Variants in ITPR2 observed in about 807,000 individuals in gnomAD.
ITPR2 encodes the protein inositol 1,4,5-trisphosphate-gated calcium channel ITPR2.
A neutral mutation model predicts 317.1 loss-of-function variants in ITPR2; 207 were observed. That is an observed-to-expected ratio of 0.65 (90% CI 0.58 to 0.73). The LOEUF (loss-of-function observed/expected upper bound fraction) is 0.73. ITPR2 is among the 30% of genes least tolerant of loss of function. The pLI is 0.00. For synonymous variants in ITPR2, 1,156 were observed against 1,149.1 expected (o/e 1.01, Z -0.12); for missense variants, 2,613 against 3,284.0 (o/e 0.80, Z 4.99).
intron 39 of ITPR2, among the ~76,000 whole-genome samples, chr12:26,488,058 T>C (rs1942712677): frequency 6.6e-6 from 1 of 152,130 alleles, no homozygotes. Context: ...CAATGCCTTA[T>C]GGAAGTGTCC....
At chr12:26,756,766 C>A (rs1466255381) in intron 2 of ITPR2, among the ~76,000 whole-genome samples, 1 of 152,224 alleles carries the variant, frequency 6.6e-6, no homozygotes, top group South Asian at 2.1e-4. Context: ...ATTAAAGGTT[C>A]TCTTATAGAA....
intron 21 of ITPR2, among the ~76,000 whole-genome samples, chr12:26,634,378 G>T (rs1946819153): frequency 6.6e-6 from 1 of 152,160 alleles, no homozygotes; most frequent in Non-Finnish European, 1.5e-5. Context: ...AAAAGAAATT[G>T]TACTACTTCT....
chr12:26,774,240 T>A (rs2137160574), intron 2 of ITPR2, among the ~76,000 whole-genome samples: 1 of 152,296 alleles, frequency 6.6e-6, no homozygotes, highest in Non-Finnish European at 1.5e-5. Flanking sequence ...TACAGGTTGC[T>A]TTAACATAAA....
intron 2 of ITPR2, among the ~76,000 whole-genome samples, chr12:26,776,901 C>G (rs12579514): frequency 0.37 from 55,723 of 152,068 alleles, 12,698 homozygotes; most frequent in Non-Finnish European, 0.53. Context: ...GTGAGGTTCA[C>G]AGTGTGACCC....
At chr12:26,470,161 C>T (rs1229283644) in intron 45 of ITPR2, among the ~76,000 whole-genome samples, 1 of 152,230 alleles carries the variant, frequency 6.6e-6, no homozygotes, top group Non-Finnish European at 1.5e-5. Context: ...TGCTCTACAG[C>T]ACCCTCCTAT....
chr12:26,703,558 T>C (rs1948494601), intron 9 of ITPR2, among the ~76,000 whole-genome samples: 1 of 152,198 alleles, frequency 6.6e-6, no homozygotes, highest in African/African-American at 2.4e-5. Flanking sequence ...ACTGTGACAA[T>C]AAATAGCAGC....
chr12:26,386,551 T>G (rs1346970455), intron 55 of ITPR2, among the ~76,000 whole-genome samples: 3 of 152,136 alleles, frequency 2.0e-5, no homozygotes, highest in Non-Finnish European at 4.4e-5. Flanking sequence ...CATTTCAGCA[T>G]TGGTGCAAAT....
At chr12:26,666,124 G>GT in intron 13 of ITPR2, 73 bp from the exon 14 acceptor site, 1 of 500,900 alleles carries the variant, frequency 2.0e-6, no homozygotes, top group South Asian at 2.4e-5. Context: ...TAGATGATAG[G>GT]TAGGTAGGTA....
intron 1 of ITPR2, among the ~76,000 whole-genome samples, chr12:26,802,160 G>T (rs1281301368): frequency 6.6e-6 from 1 of 151,856 alleles, no homozygotes; most frequent in Non-Finnish European, 1.5e-5. Flanking sequence ...AATTAGCCTG[G>T]CATATTGCAT....
intron 13 of ITPR2, among the ~76,000 whole-genome samples, chr12:26,681,566 A>G (rs1362238928): frequency 6.6e-6 from 1 of 152,214 alleles, no homozygotes; most frequent in Non-Finnish European, 1.5e-5. Flanking sequence ...CCAAATATCA[A>G]ATCATGCGCA....
Position 26,400,189 on chromosome 12 carries a change from A to C in ITPR2, c.7469T>G (p.Leu2490Arg). The change falls in exon 53 of 57, where the codon CTG becomes CGG. Residue 2490 changes from leucine to arginine, a missense_variant. Coordinates refer to ENST00000381340, the MANE Select transcript of ITPR2 (RefSeq NM_002223.4). ...ACCGCCATTCCTGAGGCCCTGGTTC[A>C]GCACGGTGACAATGCACATAAGGAG... ...DTLLMCIVTV[L>R]NQGLRNGGGV... 6.2e-7 allele frequency: 1 copy of C among 1,612,030 alleles called. No individual in the cohort carries two copies. The highest frequency in any genetic ancestry group is 8.5e-7 in the Non-Finnish European group (1 of 1,178,564).
intron 55 of ITPR2, among the ~76,000 whole-genome samples, chr12:26,353,254 A>T (rs1000637609): frequency 6.6e-6 from 1 of 152,262 alleles, no homozygotes; most frequent in Non-Finnish European, 1.5e-5. Context: ...TTTTGTATTT[A>T]CAAGTGTATT....
chr12:26,605,462 T>C (rs1028030696), intron 26 of ITPR2, among the ~76,000 whole-genome samples: 3 of 152,116 alleles, frequency 2.0e-5, no homozygotes, highest in African/African-American at 7.2e-5. Flanking sequence ...AAACCAGGAT[T>C]AAGACATTAC....
At chr12:26,741,381 T>C (rs1026061230) in intron 2 of ITPR2, among the ~76,000 whole-genome samples, 1 of 152,278 alleles carries the variant, frequency 6.6e-6, no homozygotes, top group Non-Finnish European at 1.5e-5. Flanking sequence ...TTAAAATTAC[T>C]TTTCTAAGTG....
chr12:26,633,204 C>A (rs976292166), intron 21 of ITPR2, among the ~76,000 whole-genome samples: 1 of 150,840 alleles, frequency 6.6e-6, no homozygotes, highest in East Asian at 1.9e-4. Flanking sequence ...CCTACAGGAT[C>A]GAAAGGCAAA....
chr12:26,555,614 C>A (rs773962721), intron 36 of ITPR2, among the ~76,000 whole-genome samples: 1 of 152,192 alleles, frequency 6.6e-6, no homozygotes, highest in Non-Finnish European at 1.5e-5. Flanking sequence ...GTAAACATAT[C>A]AGCTATAATA....
At chr12:26,763,909 A>G (rs1368018263) in intron 2 of ITPR2, among the ~76,000 whole-genome samples, 1 of 152,114 alleles carries the variant, frequency 6.6e-6, no homozygotes, top group East Asian at 1.9e-4. Context: ...CCTCCTCCTC[A>G]ACCTTTCTTT....
intron 9 of ITPR2, among the ~76,000 whole-genome samples, chr12:26,698,571 G>A (rs1297228828): frequency 6.6e-6 from 1 of 152,156 alleles, no homozygotes; most frequent in Non-Finnish European, 1.5e-5. Context: ...GAGTATGGAT[G>A]GAAAGCATTA....
At chr12:26,477,175 C>T (rs1565548626) in intron 43 of ITPR2, among the ~76,000 whole-genome samples, 168 bp from the exon 44 acceptor site, 1 of 152,108 alleles carries the variant, frequency 6.6e-6, no homozygotes, top group African/African-American at 2.4e-5. Flanking sequence ...CATCTTACTC[C>T]ATTGTCAACA....
Sources: allele counts gnomAD v4.1 joint callset (sites outside exome capture counted in the v4.1 genomes callset), GRCh38; gene constraint gnomAD v4.1.1; transcripts MANE v1.5; gene names NCBI Gene and HGNC (gene_info 2026-07-23, HGNC 2026-07-21).